The following ADORA2B variants were observed in gnomAD, a reference collection of about 807,000 sequenced individuals.
ADORA2B encodes the protein adenosine A2b receptor.
In ADORA2B, 18 loss-of-function variants were observed where a neutral mutation model predicts 20.8. The ratio of observed to expected loss-of-function variants is 0.87; its 90% CI spans 0.60 to 1.29. ADORA2B has a LOEUF of 1.29. Ranked by LOEUF, ADORA2B falls within the 50% of genes most tolerant of loss-of-function variation. The probability of loss-of-function intolerance (pLI) is 0.00; values close to 1 mark genes in which losing one functional copy is unlikely to be tolerated. For missense variants in ADORA2B, 441 were observed against 422.7 expected, an observed-to-expected ratio of 1.04 and a Z score of -0.38; for synonymous variants, 179 against 178.3, an observed-to-expected ratio of 1.00 and a Z score of -0.03.
At chr17:15,935,347 C>A in the ADORA2B span, among the ~76,000 whole-genome samples, 2 of 151,800 alleles carry the variant, frequency 1.3e-5, no homozygotes, top group African/African-American at 4.8e-5. Flanking sequence ...CAGTTTTTTT[C>A]TTTCAGAGCT....
the ADORA2B span, among the ~76,000 whole-genome samples, chr17:15,856,175 ATGGTTTTATAAGTGTTTGACAGTTCC>A: frequency 4.0e-5 from 6 of 151,350 alleles, no homozygotes; most frequent in Admixed American, 6.6e-5. Context: ...ACGAGATCTG[ATGGTTTTATAAGTGTTTGACAGTTCC>A]TGGTTTTATA....
At chr17:15,884,459 A>G in the ADORA2B span, among the ~76,000 whole-genome samples, 1 of 152,174 alleles carries the variant, frequency 6.6e-6, no homozygotes, top group Non-Finnish European at 1.5e-5. Context: ...TTTGTTACAT[A>G]GGTAAACATG....
At chr17:15,948,219 C>T (rs1396953892) in intron 1 of ADORA2B, among the ~76,000 whole-genome samples, 1 of 113,536 alleles carries the variant, frequency 8.8e-6, no homozygotes, top group Non-Finnish European at 2.0e-5. Context: ...CACCGCATTG[C>T]CAAGGTGTTT....
intron 1 of ADORA2B, 59 bp downstream of exon 1, chr17:15,945,642 C>T (rs1300505000): frequency 2.1e-6 from 3 of 1,399,794 alleles, no homozygotes; most frequent in East Asian, 5.2e-5. Context: ...AATGGGTCGT[C>T]TTCTCCAGGC....
the ADORA2B span, among the ~76,000 whole-genome samples, chr17:15,897,961 C>A: frequency 6.6e-6 from 1 of 152,122 alleles, no homozygotes; most frequent in Non-Finnish European, 1.5e-5. Context: ...CCAAAACTTA[C>A]TCAAAAAGAA....
the ADORA2B span, among the ~76,000 whole-genome samples, chr17:15,933,235 G>A: frequency 2.6e-5 from 4 of 152,168 alleles, no homozygotes; most frequent in Non-Finnish European, 4.4e-5. Flanking sequence ...GATTACAGGC[G>A]TGAGCCACTG....
At chr17:15,943,122 C>G (rs1413280834), upstream of ADORA2B, among the ~76,000 whole-genome samples, 1 of 152,170 alleles carries the variant, frequency 6.6e-6, no homozygotes, top group Non-Finnish European at 1.5e-5. Flanking sequence ...AATGTGTGGG[C>G]TTGCCAATAT....
At chr17:15,878,972 A>G in the ADORA2B span, among the ~76,000 whole-genome samples, 3 of 152,062 alleles carry the variant, frequency 2.0e-5, no homozygotes, top group African/African-American at 7.3e-5. Flanking sequence ...GGAAATCTCT[A>G]CTTGATTATG....
intron 1 of ADORA2B, among the ~76,000 whole-genome samples, chr17:15,968,564 A>G (rs1450302533): frequency 2.0e-5 from 3 of 152,124 alleles, no homozygotes; most frequent in African/African-American, 7.2e-5. Flanking sequence ...CTGCTGACCT[A>G]TGGCTGTGTG....
At chr17:15,855,363 A>G in the ADORA2B span, among the ~76,000 whole-genome samples, 1 of 151,884 alleles carries the variant, frequency 6.6e-6, no homozygotes, top group Non-Finnish European at 1.5e-5. Flanking sequence ...GTTGGTGGCT[A>G]TGTGGCCCCA....
At chr17:15,952,678 G>A (rs764345421) in intron 1 of ADORA2B, among the ~76,000 whole-genome samples, 1 of 152,208 alleles carries the variant, frequency 6.6e-6, no homozygotes, top group African/African-American at 2.4e-5. Context: ...AAATGGACGA[G>A]TGAGGAAAGA....
At chr17:15,923,337 A>C in the ADORA2B span, among the ~76,000 whole-genome samples, 2 of 148,832 alleles carry the variant, frequency 1.3e-5, no homozygotes, top group Admixed American at 6.7e-5. Context: ...GGCGTGAGCC[A>C]CCACACCCTG....
chr17:15,939,472 T>G, the ADORA2B span, among the ~76,000 whole-genome samples: 2 of 152,178 alleles, frequency 1.3e-5, no homozygotes, highest in East Asian at 1.9e-4. Flanking sequence ...TCCTGGTAAT[T>G]GGACTCAAAA....
At chr17:15,951,899 GC>G (rs1263886204) in intron 1 of ADORA2B, among the ~76,000 whole-genome samples, 1 of 152,184 alleles carries the variant, frequency 6.6e-6, no homozygotes, top group Non-Finnish European at 1.5e-5. Context: ...TGAGACCGGA[GC>G]CTGGAGCTGC....
the ADORA2B span, among the ~76,000 whole-genome samples, chr17:15,864,968 G>A: frequency 2.3e-4 from 35 of 151,010 alleles, no homozygotes; most frequent in East Asian, 5.2e-3. Context: ...ATGCTGTAGT[G>A]GGGCCTCCAC....
At chr17:15,878,560 A>G in the ADORA2B span, among the ~76,000 whole-genome samples, 2 of 152,212 alleles carry the variant, frequency 1.3e-5, no homozygotes, top group African/African-American at 4.8e-5. Context: ...ATAAATTACT[A>G]CAAATAATTT....
the ADORA2B span, among the ~76,000 whole-genome samples, chr17:15,925,676 A>G: frequency 2.6e-5 from 4 of 152,138 alleles, no homozygotes; most frequent in African/African-American, 9.7e-5. Flanking sequence ...AATTAACCTG[A>G]GTTGGTAATT....
the ADORA2B span, among the ~76,000 whole-genome samples, chr17:15,914,926 C>T: frequency 9.2e-5 from 14 of 152,354 alleles, no homozygotes; most frequent in East Asian, 1.9e-4. Context: ...ACCCTCATTT[C>T]GTGACTACCT....
the ADORA2B span, among the ~76,000 whole-genome samples, chr17:15,859,202 A>G: frequency 6.6e-6 from 1 of 152,146 alleles, no homozygotes; most frequent in Non-Finnish European, 1.5e-5. Flanking sequence ...CCTCATTGAC[A>G]GTACTCCCCA....
Sources: allele counts gnomAD v4.1 joint callset (sites outside exome capture counted in the v4.1 genomes callset), GRCh38; gene constraint gnomAD v4.1.1; transcripts MANE v1.5; gene names NCBI Gene and HGNC (gene_info 2026-07-23, HGNC 2026-07-21).